AGR3: variants seen among roughly 807,000 people sequenced by gnomAD.
AGR3 encodes anterior gradient protein 3.
In AGR3, 37 loss-of-function variants were observed where a neutral mutation model predicts 24.5. The ratio of observed to expected loss-of-function variants is 1.51; its 90% confidence interval spans 1.16 to 1.99. The LOEUF (loss-of-function observed/expected upper bound fraction) is 1.99, where lower values mean the gene tolerates loss of function less well. Ranked by LOEUF, AGR3 falls within the 30% of genes most tolerant of loss-of-function variation. AGR3 has a pLI of 0.00. For synonymous variants in AGR3, 75 were observed against 61.6 expected, an observed-to-expected ratio of 1.22 and a Z score of -1.02; for missense variants, 228 against 191.1, an observed-to-expected ratio of 1.19 and a Z score of -1.14.
chr7:16,872,875 G>C (rs1781911031), intron 3 of AGR3, among the ~76,000 whole-genome samples: 1 of 152,114 alleles, frequency 6.6e-6, no homozygotes, highest in Non-Finnish European at 1.5e-5. Context: ...AATCATCGGG[G>C]AAAGGCAGAT....
downstream of AGR3, among the ~76,000 whole-genome samples, chr7:16,859,148 A>G (rs1265515728): frequency 6.6e-6 from 1 of 151,992 alleles, no homozygotes; most frequent in African/African-American, 2.4e-5. Flanking sequence ...CTATAATCTC[A>G]GCACTCTGGC....
chr7:16,875,399 C>T (rs1162851684), intron 2 of AGR3, among the ~76,000 whole-genome samples: 2 of 152,036 alleles, frequency 1.3e-5, no homozygotes, highest in African/African-American at 2.4e-5. Flanking sequence ...CTCAGCATAA[C>T]CTTTTTAAGG....
intron 3 of AGR3, chr7:16,864,897 A>C (rs1436812240): frequency 1.1e-6 from 1 of 890,590 alleles, no homozygotes; most frequent in Non-Finnish European, 1.9e-6. Context: ...TTAGAAATTC[A>C]CTGGCTCTCA....
intron 6 of AGR3, among the ~76,000 whole-genome samples, chr7:16,861,140 C>T (rs773518557): frequency 3.9e-5 from 6 of 152,122 alleles, no homozygotes; most frequent in African/African-American, 1.2e-4. Flanking sequence ...TAGTCTGGGG[C>T]ACTGTGTTGA....
intron 2 of AGR3, among the ~76,000 whole-genome samples, chr7:16,877,607 T>A (rs1782011490): frequency 6.6e-6 from 1 of 151,974 alleles, no homozygotes; most frequent in Non-Finnish European, 1.5e-5. Context: ...CTCACGCCTG[T>A]AATCCCAGCA....
At position 16,862,740 on chromosome 7, in the gene AGR3, T is replaced by C. The variant is rs1031220949; in HGVS notation, c.174-78A>G. 1.1e-5 allele frequency: 11 copies of C among 988,868 alleles called. No individual in the cohort carries two copies. In the South Asian group the frequency reaches 1.8e-4, roughly 16 times the overall value. 61.3% of individuals were successfully genotyped at this position (988,868 alleles called of 1,614,324 possible). On this transcript the variant is annotated intron_variant, in intron 3 of 7. Transcript: ENST00000310398. ...ATACAGTAGAGTTAGATTTAAAATTTTATTAGCTTCAATAAGGCTTACAGT... is the reference window on the plus strand; with the variant it reads ...ATACAGTAGAGTTAGATTTAAAATTCTATTAGCTTCAATAAGGCTTACAGT...
intron 3 of AGR3, among the ~76,000 whole-genome samples, chr7:16,867,723 CAT>C (rs1562547823): frequency 1.3e-5 from 2 of 152,144 alleles, no homozygotes; most frequent in African/African-American, 4.8e-5. Flanking sequence ...TTAGATTACA[CAT>C]GTGAGATTAC....
chr7:16,865,321 A>C (rs970650599), intron 3 of AGR3: 4 of 1,166,750 alleles, frequency 3.4e-6, no homozygotes, highest in Non-Finnish European at 5.1e-6. Context: ...ATATCACCAG[A>C]ACATCCTTGA....
Position 16,861,406 on chromosome 7 carries a change from A to G in AGR3, c.345T>C (p.Tyr115=), listed in dbSNP as rs764420666. The G allele has an allele frequency of 1.9e-6, 3 of 1,611,044 alleles. No homozygotes were observed. The highest frequency in any genetic ancestry group is 1.7e-4 in the Middle Eastern group (1 of 6,034). The change falls in exon 6 of 8, where the codon TAT becomes TAC. Residue 115 remains tyrosine, a synonymous_variant. Coordinates refer to ENST00000310398, the MANE Select transcript of AGR3 (RefSeq NM_176813.5). ...TACCTACAAACATGATTCTAGGCACATATTGCCCATCAGGTGATAAATTCT... is the reference window on the plus strand; with the variant it reads ...TACCTACAAACATGATTCTAGGCACGTATTGCCCATCAGGTGATAAATTCT... ...TDKNLSPDGQ[Y]VPRIMFVDPS... is the part of the protein sequence containing the mutation.
chr7:16,863,344 C>T (rs1297352073), intron 3 of AGR3, among the ~76,000 whole-genome samples: 1 of 152,090 alleles, frequency 6.6e-6, no homozygotes. Context: ...TACAAAAAAG[C>T]TGTTAATATT....
rs776013553 is a variant in AGR3 at position 16,861,404 on chromosome 7, A to C, written c.347T>G (p.Val116Gly). 13 of 1,610,468 alleles carry C rather than the reference A, an allele frequency of 8.1e-6. No homozygotes were observed. Among genetic ancestry groups the C allele is most frequent in the African/African-American group, 1.3e-5 (1 of 74,716 alleles). Residue 116 changes from valine to glycine, a missense_variant, in exon 6 of 8, where the codon GTG (valine) becomes GGG (glycine). Physicochemically the swap from Val to Gly is moderately radical, Grantham distance 109 (BLOSUM62 -3). Coordinates refer to ENST00000310398, the MANE Select transcript of AGR3 (RefSeq NM_176813.5). Reference sequence around the variant, plus strand: ...CATACCTACAAACATGATTCTAGGCACATATTGCCCATCAGGTGATAAATT... The same window carrying C: ...CATACCTACAAACATGATTCTAGGCCCATATTGCCCATCAGGTGATAAATT... ...DKNLSPDGQY[V>G]PRIMFVDPSL...
chr7:16,873,945 G>T, intron 2 of AGR3, 102 bp from the exon 3 acceptor site: 1 of 919,174 alleles, frequency 1.1e-6, no homozygotes, highest in Non-Finnish European at 1.7e-6. Context: ...ATTTAACTAA[G>T]CCATCAAGCT....
Position 16,865,354 on chromosome 7 carries a change from T to G in AGR3, c.174-2692A>C, listed in dbSNP as rs989191575. The G allele has an allele frequency of 1.1e-5, 13 of 1,140,286 alleles. No homozygotes were observed. The African/African-American group carries it at 1.8e-4, about 16-fold the overall frequency. The allele number at this position is 1,140,286 out of a possible 1,614,324, so 70.6% of individuals were successfully genotyped here. ...TGACAGAGCACCTCTAGAGAAGTTT[T>G]GTCAGGGACAGTAATTTTTCCTCCA... On this transcript the variant is annotated intron_variant, in intron 3 of 7. Coordinates refer to ENST00000310398, the MANE Select transcript of AGR3 (RefSeq NM_176813.5).
chr7:16,865,074 G>C (rs181801070), intron 3 of AGR3: 6 of 774,700 alleles, frequency 7.7e-6, no homozygotes, highest in Non-Finnish European at 1.2e-5. Flanking sequence ...GTCTGATTCT[G>C]TTAAAGATGC....
At chr7:16,880,727 A>T (rs145993354) in intron 1 of AGR3, among the ~76,000 whole-genome samples, 1 of 152,158 alleles carries the variant, frequency 6.6e-6, no homozygotes, top group Non-Finnish European at 1.5e-5. Context: ...CTTGTACCTT[A>T]AGGCCTTGGT....
intron 2 of AGR3, among the ~76,000 whole-genome samples, chr7:16,874,408 A>G (rs538775001): frequency 6.6e-6 from 1 of 152,294 alleles, no homozygotes; most frequent in African/African-American, 2.4e-5. Flanking sequence ...AACACCCAAA[A>G]GAATGGAGAG....
At chr7:16,857,133 C>T (rs1781564709), downstream of AGR3, among the ~76,000 whole-genome samples, 1 of 152,028 alleles carries the variant, frequency 6.6e-6, no homozygotes, top group African/African-American at 2.4e-5. Context: ...CATGCCACTG[C>T]ACCCAGCGAG....
In AGR3 at chr7:16,864,602, T is replaced by A. The variant is rs1781714888; in HGVS notation, c.174-1940A>T. 3 of 1,503,630 alleles carry A rather than the reference T, an allele frequency of 2.0e-6. No homozygotes were observed. In the South Asian group the frequency reaches 3.4e-5, roughly 17 times the overall value. 93.1% of individuals were successfully genotyped at this position (1,503,630 alleles called of 1,614,324 possible). A position where few individuals can be genotyped will look rare whatever the true frequency, so the allele number is the denominator to read the frequency against. ...ATCTGAGCTTGATTTCTCATTGGAA[T>A]GGTTATTAGAGCAAGGTATGGCAGT... is the stretch of plus-strand genomic sequence containing the variant. On this transcript the variant is annotated intron_variant, in intron 3 of 7. Transcript: ENST00000310398.
intron 2 of AGR3, among the ~76,000 whole-genome samples, chr7:16,877,050 G>T (rs1781997802): frequency 6.6e-6 from 1 of 151,786 alleles, no homozygotes; most frequent in South Asian, 2.1e-4. Flanking sequence ...GCAAAAATAT[G>T]TTGACTTTCT....
Sources: gnomAD v4.1 joint callset for allele counts (sites outside exome capture counted in the v4.1 genomes callset) on GRCh38, gnomAD v4.1.1 for gene constraint, MANE v1.5 for transcripts, NCBI Gene and HGNC (gene_info 2026-07-23, HGNC 2026-07-21) for gene names.